TDRD6: variants seen among roughly 807,000 people sequenced by gnomAD.
The protein encoded by TDRD6 is tudor domain-containing protein 6.
Under a neutral mutation model 157.5 loss-of-function variants are expected in TDRD6, and 186 were observed. The ratio of observed to expected loss-of-function variants is 1.18; its 90% CI spans 1.05 to 1.33. The LOEUF (loss-of-function observed/expected upper bound fraction) is 1.33. Ranked by LOEUF, TDRD6 falls within the 40% of genes most tolerant of loss-of-function variation. TDRD6 has a pLI of 0.00. For missense variants in TDRD6, 3,066 were observed against 2,508.0 expected, an observed-to-expected ratio of 1.22 and a Z score of -4.75; for synonymous variants, 1,075 against 945.2, an observed-to-expected ratio of 1.14 and a Z score of -2.52.
upstream of TDRD6, among the ~76,000 whole-genome samples, chr6:46,684,673 C>G (rs1248720614): frequency 6.6e-6 from 1 of 151,962 alleles, no homozygotes; most frequent in African/African-American, 2.4e-5. Flanking sequence ...AGTTGTTGCT[C>G]ACATCAATAA....
chr6:46,692,290 A>G lies in TDRD6; in HGVS notation c.4162A>G (p.Ile1388Val), dbSNP rs1018300912. Residue 1388 changes from isoleucine to valine, a missense_variant, in exon 1 of 4, where the codon ATA becomes GTA. Physicochemically the swap from Ile to Val is conservative, Grantham distance 29. Transcript: ENST00000316081. ...QPNDLLSVQF[I>V]DYGNVSVVHT... ...CAATGACCTTCTCTCTGTGCAGTTTATAGATTATGGCAATGTTTCTGTGGT... is the reference window on the plus strand; with the variant it reads ...CAATGACCTTCTCTCTGTGCAGTTTGTAGATTATGGCAATGTTTCTGTGGT... 1.1e-5 allele frequency: 17 copies of G among 1,614,006 alleles called. No homozygotes were observed. The highest frequency in any genetic ancestry group is 1.4e-5 in the Non-Finnish European group (16 of 1,180,018).
In TDRD6 at chr6:46,693,560, A is replaced by G. The variant is rs796584974; in HGVS notation, c.5432A>G (p.Tyr1811Cys). ...LVDKAEFDDK[Y>C]LITGFNTLLP... is the part of the protein sequence containing the mutation. ...GACAAAGCAGAGTTTGATGATAAAT[A>G]CCTGATTACAGGATTTAACACATTA... The change falls in exon 1 of 4, where the codon TAC (tyrosine) becomes TGC (cysteine). Residue 1811 changes from tyrosine to cysteine, a missense_variant. Physicochemically the swap from Tyr to Cys is radical, Grantham distance 194. Transcript: ENST00000316081. 6.2e-7 allele frequency: 1 copy of G among 1,614,150 alleles called. No homozygotes were observed. The highest frequency in any genetic ancestry group is 8.5e-7 in the Non-Finnish European group (1 of 1,180,016).
intron 2 of TDRD6, among the ~76,000 whole-genome samples, chr6:46,696,989 A>G (rs1269025727): frequency 1.3e-5 from 2 of 152,184 alleles, no homozygotes; most frequent in South Asian, 2.1e-4. Context: ...GGATTCCAGA[A>G]TATGCATTCA....
At position 46,702,996 on chromosome 6, in the gene TDRD6, T is replaced by C. The variant is rs548508455; in HGVS notation, c.*1109T>C. Reference sequence around the variant, plus strand: ...TTTCTTTACCCTGAAAAATACTCAGTGTGCACTATGTTAGGTTATTTCTTT... The same window carrying C: ...TTTCTTTACCCTGAAAAATACTCAGCGTGCACTATGTTAGGTTATTTCTTT... On this transcript the variant is annotated 3_prime_UTR_variant, in exon 4 of 4. Transcript: ENST00000316081. 9.2e-5 allele frequency: 14 copies of C among 151,778 alleles called. No individual in the cohort carries two copies. Among genetic ancestry groups the C allele is most frequent in the African/African-American group, 3.4e-4 (14 of 41,150 alleles). 9.4% of individuals were successfully genotyped at this position (151,778 alleles called of 1,614,324 possible). A position where few individuals can be genotyped will look rare whatever the true frequency, so the allele number is the denominator to read the frequency against.
intron 3 of TDRD6, chr6:46,700,922 G>A (rs1187679446): frequency 5.7e-6 from 2 of 350,802 alleles, no homozygotes; most frequent in Non-Finnish European, 1.2e-5. Flanking sequence ...TGGCTTATCT[G>A]TGGTTCCATT....
At chr6:46,697,847 C>T (rs984607484) in intron 2 of TDRD6, 151 bp from the exon 3 acceptor site, 2 of 374,996 alleles carry the variant, frequency 5.3e-6, no homozygotes, top group Non-Finnish European at 9.4e-6. Context: ...CTGATCCTGC[C>T]ACTGCCCTCC....
At position 46,695,870 on chromosome 6, in the gene TDRD6, A is replaced by G. The variant is rs746562713; in HGVS notation, c.6096A>G (p.Lys2032=). ...TGAAAGCCTTTACTGTTGGATCTAA[A>G]TGTGTTGTGTGGTCAAGTCTAAGAA... The part of the protein sequence containing the change: ...YTLKAFTVGS[K]CVVWSSLRNT... Residue 2032 remains lysine, a synonymous_variant, in exon 2 of 4, where the codon AAA becomes AAG. Coordinates refer to ENST00000316081, the MANE Select transcript of TDRD6 (RefSeq NM_001010870.3). 6.2e-7 allele frequency: 1 copy of G among 1,613,714 alleles called. No individual in the cohort carries two copies. The highest frequency in any genetic ancestry group is 1.1e-5 in the South Asian group (1 of 91,058).
Position 46,702,607 on chromosome 6 carries a change from C to T in TDRD6, c.*720C>T, listed in dbSNP as rs1228892724. 6.6e-6 allele frequency: 1 copy of T among 152,038 alleles called. No homozygotes were observed. The highest frequency in any genetic ancestry group is 1.9e-4 in the East Asian group (1 of 5,196). 9.4% of individuals were successfully genotyped at this position (152,038 alleles called of 1,614,324 possible). The stretch of plus-strand genomic sequence containing the variant: ...CACTTTATTCATCAACTTTGAAGTG[C>T]ATATCAATATTATCCATATTTTATA... On this transcript the variant is annotated 3_prime_UTR_variant, in exon 4 of 4. Coordinates refer to ENST00000316081, the MANE Select transcript of TDRD6 (RefSeq NM_001010870.3).
chr6:46,698,779 C>T (rs1764555614), intron 3 of TDRD6, among the ~76,000 whole-genome samples: 1 of 152,146 alleles, frequency 6.6e-6, no homozygotes, highest in African/African-American at 2.4e-5. Flanking sequence ...GGATTATATC[C>T]TGAACATTTT....
At chr6:46,701,737 A>G in intron 3 of TDRD6, 121 bp from the exon 4 acceptor site, 1 of 828,766 alleles carries the variant, frequency 1.2e-6, no homozygotes. Context: ...TAATTAGAAT[A>G]CTCATCTGTC....
chr6:46,701,081 A>G (rs1372513440), intron 3 of TDRD6: 2 of 417,680 alleles, frequency 4.8e-6, no homozygotes, highest in Non-Finnish European at 9.7e-6. Context: ...TGTTTTTAAA[A>G]CAAAATACTT....
Position 46,689,287 on chromosome 6 carries a change from G to A in TDRD6, c.1159G>A (p.Gly387Ser), listed in dbSNP as rs199739978. 19 of 1,614,034 alleles carry A rather than the reference G, an allele frequency of 1.2e-5. No homozygotes were observed. The highest frequency in any genetic ancestry group is 1.7e-5 in the Admixed American group (1 of 60,008). The change falls in exon 1 of 4, where the codon GGC becomes AGC. Residue 387 changes from glycine (G) to serine (S), a missense_variant. Gly to Ser is a moderately conservative substitution (Grantham distance 56). Transcript: ENST00000316081. Reference protein sequence around the residue: ...ALYGLWDGGRGWSRSQVGDLK... With the variant: ...ALYGLWDGGRSWSRSQVGDLK... ...GTATGGACTCTGGGACGGTGGGAGA[G>A]GCTGGTCTCGGTCACAGGTCGGTGA...
chr6:46,683,250 T>C (rs1359089628), upstream of TDRD6, among the ~76,000 whole-genome samples: 4 of 151,996 alleles, frequency 2.6e-5, no homozygotes, highest in African/African-American at 7.2e-5. Flanking sequence ...AGTATAACAA[T>C]TGGATATCCA....
At position 46,694,147 on chromosome 6, in the gene TDRD6, A is replaced by G. The variant is rs1764431491; in HGVS notation, c.6019A>G (p.Asn2007Asp). Reference protein sequence around the residue: ...EEESSDGSKHNNGLPDHISAQ... With the variant: ...EEESSDGSKHDNGLPDHISAQ... ...AGAAAGCAGTGATGGAAGCAAGCAC[A>G]ATAATGGTTTACCAGATCATATCTC... The change falls in exon 1 of 4, where the codon AAT becomes GAT. Residue 2007 changes from asparagine to aspartate, a missense_variant. Coordinates refer to ENST00000316081, the MANE Select transcript of TDRD6 (RefSeq NM_001010870.3). The G allele has an allele frequency of 6.3e-7, 1 of 1,575,130 alleles. No individual in the cohort carries two copies. The highest frequency in any genetic ancestry group is 1.4e-5 in the African/African-American group (1 of 73,428).
rs145478407 is a variant in TDRD6, at chr6:46,688,960, C to T, written c.832C>T (p.Arg278Cys). The T allele has an allele frequency of 9.3e-6, 15 of 1,612,916 alleles. No homozygotes were observed. The highest frequency in any genetic ancestry group is 1.3e-5 in the Non-Finnish European group (15 of 1,179,360). ...QLRSVSQEIH[R>C]LSESMAQVYR... ...CCGCAGCGTCTCGCAGGAGATCCAC[C>T]GCCTCTCCGAGAGCATGGCCCAGGT... The change falls in exon 1 of 4, where the codon CGC becomes TGC. Residue 278 changes from arginine (R) to cysteine (C), a missense_variant. By Grantham distance (180) the Arg-to-Cys change is radical. Coordinates refer to ENST00000316081, the MANE Select transcript of TDRD6 (RefSeq NM_001010870.3).
chr6:46,699,905 T>C (rs1327625867), intron 3 of TDRD6, among the ~76,000 whole-genome samples: 1 of 152,196 alleles, frequency 6.6e-6, no homozygotes, highest in Non-Finnish European at 1.5e-5. Flanking sequence ...TAATGCTGCA[T>C]GACACTAGTG....
Position 46,689,511 on chromosome 6 carries a change from G to T in TDRD6, c.1383G>T (p.Gln461His), listed in dbSNP as rs151175383. 1.9e-6 allele frequency: 3 copies of T among 1,614,028 alleles called. No individual in the cohort carries two copies. The highest frequency in any genetic ancestry group is 2.5e-6 in the Non-Finnish European group (3 of 1,180,026). The change falls in exon 1 of 4, where the codon CAG becomes CAT. Residue 461 changes from glutamine to histidine, a missense_variant. By Grantham distance (24) the Gln-to-His change is conservative. Coordinates refer to ENST00000316081, the MANE Select transcript of TDRD6 (RefSeq NM_001010870.3). ...AGGAGGAGGAACCAGAAACATCTCA[G>T]TCTCAGTCTCCTGCTGAAGAAGTAG... ...ATEEEEPETS[Q>H]SQSPAEEVDE...
chr6:46,685,860 G>A (rs539102312), upstream of TDRD6, among the ~76,000 whole-genome samples: 303 of 152,178 alleles, frequency 2.0e-3, 3 homozygotes, highest in Middle Eastern at 3.4e-3. Context: ...TAAAACTCAA[G>A]ATATTTTGTT....
chr6:46,682,321 A>T, the TDRD6 span, among the ~76,000 whole-genome samples: 1 of 152,014 alleles, frequency 6.6e-6, no homozygotes, highest in East Asian at 1.9e-4. Flanking sequence ...AAATTCTCAA[A>T]TTTTTACATG....
Sources: gnomAD v4.1 joint callset for allele counts (sites outside exome capture counted in the v4.1 genomes callset) on GRCh38, gnomAD v4.1.1 for gene constraint, MANE v1.5 for transcripts, NCBI Gene and HGNC (gene_info 2026-07-23, HGNC 2026-07-21) for gene names.